The following CEP112 variants were observed in gnomAD, a reference collection of about 807,000 sequenced individuals.
The protein encoded by CEP112 is centrosomal protein of 112 kDa.
Under a neutral mutation model 153.0 loss-of-function variants are expected in CEP112, and 127 were observed. That is an observed-to-expected ratio of 0.83 (90% confidence interval 0.72 to 0.96). The LOEUF is 0.96. Among genes scored for constraint, CEP112 ranks in the 40% least tolerant of loss-of-function variants. The pLI is 0.00. For synonymous variants in CEP112, 358 were observed against 374.4 expected, an observed-to-expected ratio of 0.96 and a Z score of 0.51; for missense variants, 1,089 against 1,101.2, an observed-to-expected ratio of 0.99 and a Z score of 0.16.
intron 19 of CEP112, among the ~76,000 whole-genome samples, chr17:65,908,650 C>T (rs924340416): frequency 3.0e-4 from 45 of 151,392 alleles, no homozygotes; most frequent in Admixed American, 3.0e-3. Flanking sequence ...GCCAAGATCA[C>T]GCCATTGCAC....
intron 12 of CEP112, among the ~76,000 whole-genome samples, chr17:66,040,494 C>CTTTTTTTTTTT (rs71160522): frequency 4.5e-5 from 6 of 133,486 alleles, no homozygotes; most frequent in African/African-American, 5.6e-5. Context: ...CCCTTTTTTT[C>CTTTTTTTTTTT]TTTTTTTTTT....
chr17:65,761,886 C>G (rs2145398477), intron 21 of CEP112, among the ~76,000 whole-genome samples: 1 of 152,130 alleles, frequency 6.6e-6, no homozygotes, highest in East Asian at 1.9e-4. Context: ...TGAAGTAGTC[C>G]AAGATATCCA....
intron 18 of CEP112, among the ~76,000 whole-genome samples, chr17:65,947,625 A>T (rs1260475166): frequency 6.6e-6 from 1 of 152,136 alleles, no homozygotes; most frequent in Non-Finnish European, 1.5e-5. Flanking sequence ...GCACTTAAAG[A>T]TACAAGTTTT....
At chr17:65,897,595 ACTGTCCTAGAATTTG>A (rs1486581101) in intron 20 of CEP112, among the ~76,000 whole-genome samples, 1 of 152,122 alleles carries the variant, frequency 6.6e-6, no homozygotes. Flanking sequence ...TGATGAAACA[ACTGTCCTAGAATTTG>A]CTAGGCTGTG....
intron 24 of CEP112, among the ~76,000 whole-genome samples, chr17:65,671,992 A>T (rs1325053467): frequency 6.6e-6 from 1 of 152,236 alleles, no homozygotes; most frequent in Non-Finnish European, 1.5e-5. Flanking sequence ...TACAGGAAGG[A>T]AGATACAAAC....
chr17:65,726,196 GGGTGT>G (rs1253497421), intron 23 of CEP112, among the ~76,000 whole-genome samples: 1 of 151,968 alleles, frequency 6.6e-6, no homozygotes, highest in African/African-American at 2.4e-5. Context: ...AAAAATAGCT[GGGTGT>G]GGTGGTGGGT....
chr17:65,950,997 C>A (rs558685333), intron 18 of CEP112, among the ~76,000 whole-genome samples: 1 of 152,004 alleles, frequency 6.6e-6, no homozygotes, highest in East Asian at 1.9e-4. Context: ...AAGACAATCA[C>A]GTGATTTTTT....
Position 65,831,146 on chromosome 17 carries a change from T to A in CEP112, c.2394+20658A>T, listed in dbSNP as rs28421584. Among the ~76,000 whole-genome samples the A allele has an allele frequency of 3.1e-3, 478 of 152,256 alleles. 3 individuals are homozygous for A. Among genetic ancestry groups the A allele is most frequent in the African/African-American group, 0.011 (454 of 41,542 alleles). On this transcript the variant is annotated intron_variant, in intron 21 of 26. Transcript: ENST00000535342. ...AAATGTGCAGCCACCAACATAAAGA[T>A]GCAAGGATTGTGAAAACTCAGGGGA...
chr17:65,921,568 G>A (rs1027284248), intron 19 of CEP112, among the ~76,000 whole-genome samples: 1 of 151,948 alleles, frequency 6.6e-6, no homozygotes, highest in African/African-American at 2.4e-5. Context: ...TCTCAGCATT[G>A]ATTCTAATGT....
chr17:65,761,854 T>C (rs2052632533), intron 21 of CEP112, among the ~76,000 whole-genome samples: 2 of 152,134 alleles, frequency 1.3e-5, no homozygotes, highest in Non-Finnish European at 2.9e-5. Flanking sequence ...TTGCAAAGAA[T>C]GTGTATGCCG....
rs1471705309 is a variant in CEP112 at position 65,750,705 on chromosome 17, T to C, written c.2414A>G (p.Gln805Arg). Residue 805 changes from glutamine (Q) to arginine (R), a missense_variant, in exon 22 of 27, where the codon CAG becomes CGG. Physicochemically the swap from Gln to Arg is conservative, Grantham distance 43. Transcript: ENST00000535342. Reference protein sequence around the residue: ...TLEKANSKLKQIEKEYTQKLA... With the variant: ...TLEKANSKLKRIEKEYTQKLA... ...CTTCTGAGTGTATTCCTTCTCAATC[T>C]GCTTCAGCTTGCTGTTGGCCTGAAA... 2 of 1,613,992 alleles carry C rather than the reference T, an allele frequency of 1.2e-6. No homozygotes were observed. Among genetic ancestry groups the C allele is most frequent in the Admixed American group, 3.3e-5 (2 of 59,994 alleles).
intron 4 of CEP112, among the ~76,000 whole-genome samples, chr17:66,167,092 C>T (rs2072008089): frequency 6.6e-6 from 1 of 152,068 alleles, no homozygotes; most frequent in Non-Finnish European, 1.5e-5. Context: ...TGATATTGTG[C>T]AGGATTCATA....
chr17:65,829,089 G>T (rs2056970716), intron 21 of CEP112, among the ~76,000 whole-genome samples: 1 of 151,812 alleles, frequency 6.6e-6, no homozygotes, highest in Non-Finnish European at 1.5e-5. Context: ...ATTACGCTTG[G>T]TAATATTTAA....
At position 65,913,443 on chromosome 17, in the gene CEP112, G is replaced by T. The variant is rs1042444229; in HGVS notation, c.1981-11109C>A. The T allele has an allele frequency of 1.1e-4, 103 of 932,940 alleles. 1 individual carries two copies. Among genetic ancestry groups the T allele is most frequent in the Non-Finnish European group, 1.3e-4 (98 of 782,416 alleles). 57.8% of individuals were successfully genotyped at this position (932,940 alleles called of 1,614,324 possible). On this transcript the variant is annotated intron_variant, in intron 19 of 26. Coordinates refer to ENST00000535342, the MANE Select transcript of CEP112 (RefSeq NM_001199165.4). ...TTTAGCACAGAAAATACTACAATCT[G>T]GTCTTACTTTCTGAACACTTTAATA... is the stretch of plus-strand genomic sequence containing the variant.
intron 17 of CEP112, among the ~76,000 whole-genome samples, chr17:65,980,459 A>T (rs1174298296): frequency 6.6e-6 from 1 of 152,196 alleles, no homozygotes; most frequent in Admixed American, 6.6e-5. Context: ...TTCTTCCAGA[A>T]AATTAGGTCT....
At chr17:65,956,581 C>T (rs937794833) in intron 18 of CEP112, among the ~76,000 whole-genome samples, 7 of 150,194 alleles carry the variant, frequency 4.7e-5, no homozygotes, top group African/African-American at 1.7e-4. Context: ...TATGAAGACA[C>T]AAACACATAA....
chr17:66,167,631 G>T (rs1182758534), intron 4 of CEP112, among the ~76,000 whole-genome samples: 1 of 152,002 alleles, frequency 6.6e-6, no homozygotes, highest in Admixed American at 6.5e-5. Context: ...AGCACAAGTG[G>T]AAAAAAACAG....
chr17:65,674,267 T>G lies in CEP112; in HGVS notation c.2697+14862A>C, dbSNP rs188673698. Among the ~76,000 whole-genome samples, 4 of 152,346 alleles carry G rather than the reference T, an allele frequency of 2.6e-5. No individual in the cohort carries two copies. In the East Asian group the frequency reaches 7.7e-4, roughly 29 times the overall value. The stretch of plus-strand genomic sequence containing the variant: ...GCAATTCATGGAAATGCAAATACTT[T>G]CCACTCTTAGTAATGAATGATTAGA... On this transcript the variant is annotated intron_variant, in intron 24 of 26. Coordinates refer to ENST00000535342, the MANE Select transcript of CEP112 (RefSeq NM_001199165.4).
chr17:65,695,368 T>C (rs1232891494), intron 23 of CEP112, among the ~76,000 whole-genome samples: 1 of 152,226 alleles, frequency 6.6e-6, no homozygotes, highest in African/African-American at 2.4e-5. Context: ...CTTGTGACAG[T>C]ACAGGGCTTT....
Sources: allele counts gnomAD v4.1 joint callset (sites outside exome capture counted in the v4.1 genomes callset), GRCh38; gene constraint gnomAD v4.1.1; transcripts MANE v1.5; gene names NCBI Gene and HGNC (gene_info 2026-07-23, HGNC 2026-07-21).